Variants in EVI5 observed in about 807,000 individuals in gnomAD.
The protein encoded by EVI5 is ecotropic viral integration site 5.
In EVI5, 73 loss-of-function variants were observed where a neutral mutation model predicts 112.0. That is an observed-to-expected ratio of 0.65 (90% CI 0.54 to 0.79). The LOEUF is 0.79. Among genes scored for constraint, EVI5 ranks in the 30% least tolerant of loss-of-function variants. The pLI is 0.00. For synonymous variants in EVI5, 305 were observed against 319.9 expected (o/e 0.95, Z 0.50); for missense variants, 900 against 968.8 (o/e 0.93, Z 0.94).
rs201333917 is a variant in EVI5 at position 92,704,668 on chromosome 1, T to G, written c.226A>C (p.Ser76Arg). ...CTGAGGTTGCTAGAGGCTGATGAAC[T>G]CGACACAAGAGAAGAGCCACTGTTT... is the stretch of plus-strand genomic sequence containing the variant. ...RRNSGSSLVS[S>R]SSASSNLSHL... Residue 76 changes from serine to arginine, a missense_variant, in exon 3 of 20, where the codon AGT becomes CGT. Physicochemically the swap from Ser to Arg is moderately radical, Grantham distance 110. Transcript: ENST00000684568. 1.2e-6 allele frequency: 2 copies of G among 1,604,588 alleles called. No individual in the cohort carries two copies. Among genetic ancestry groups the G allele is most frequent in the Non-Finnish European group, 1.7e-6 (2 of 1,173,822 alleles).
chr1:92,590,828 G>T (rs756487146), intron 18 of EVI5, among the ~76,000 whole-genome samples: 1 of 152,170 alleles, frequency 6.6e-6, no homozygotes, highest in Admixed American at 6.5e-5. Context: ...CATCAAAGTT[G>T]AAATGAAGGA....
intron 1 of EVI5, among the ~76,000 whole-genome samples, chr1:92,748,896 TC>T (rs1679750435): frequency 6.6e-6 from 1 of 151,700 alleles, no homozygotes; most frequent in Non-Finnish European, 1.5e-5. Context: ...AGAAACCCCA[TC>T]TCTACTAAAA....
At chr1:92,788,367 G>A (rs184182817), upstream of EVI5, among the ~76,000 whole-genome samples, 26 of 151,994 alleles carry the variant, frequency 1.7e-4, 1 homozygote, top group African/African-American at 5.3e-4. Context: ...TCAGCTACTC[G>A]GGAGACTGAG....
intron 2 of EVI5, among the ~76,000 whole-genome samples, chr1:92,718,774 T>A (rs886165711): frequency 1.3e-5 from 2 of 151,658 alleles, no homozygotes; most frequent in African/African-American, 4.9e-5. Context: ...TTTGAAAAGA[T>A]CAACAAAATT....
chr1:92,567,169 A>G (rs1336290638), intron 18 of EVI5, among the ~76,000 whole-genome samples: 1 of 152,172 alleles, frequency 6.6e-6, no homozygotes, highest in East Asian at 1.9e-4. Context: ...CTTATAGAAT[A>G]AAGACACAGA....
chr1:92,707,502 G>A (rs958539766), intron 2 of EVI5, among the ~76,000 whole-genome samples: 9 of 152,034 alleles, frequency 5.9e-5, no homozygotes, highest in East Asian at 5.8e-4. Context: ...AGTAAGAGAC[G>A]TAAACTGATA....
At chr1:92,773,103 G>C (rs2103053941) in intron 1 of EVI5, among the ~76,000 whole-genome samples, 1 of 151,696 alleles carries the variant, frequency 6.6e-6, no homozygotes, top group African/African-American at 2.4e-5. Flanking sequence ...GCACTCGGGA[G>C]GCTGAGCCAG....
At chr1:92,592,108 T>C (rs535442254) in intron 18 of EVI5, among the ~76,000 whole-genome samples, 33 of 152,274 alleles carry the variant, frequency 2.2e-4, no homozygotes, top group Admixed American at 1.8e-3. Context: ...CCGGGCGTGG[T>C]AGCAGGTGCC....
intron 1 of EVI5, among the ~76,000 whole-genome samples, chr1:92,752,292 A>C (rs763828422): frequency 3.3e-5 from 5 of 151,982 alleles, no homozygotes; most frequent in African/African-American, 4.8e-5. Context: ...CTCCTGCCTC[A>C]GCCTCCTGAG....
chr1:92,704,169 C>T (rs946341839), intron 3 of EVI5, among the ~76,000 whole-genome samples: 4 of 151,832 alleles, frequency 2.6e-5, no homozygotes, highest in South Asian at 4.1e-4. Context: ...AAAAAATTAG[C>T]GAGGTGTGGT....
At chr1:92,611,482 A>G (rs1023437804) in intron 16 of EVI5, among the ~76,000 whole-genome samples, 3 of 151,580 alleles carry the variant, frequency 2.0e-5, no homozygotes, top group Non-Finnish European at 4.4e-5. Context: ...GCGGATCACA[A>G]GGTCAGGAGA....
chr1:92,659,455 T>G (rs924712053), intron 13 of EVI5, among the ~76,000 whole-genome samples: 2 of 152,056 alleles, frequency 1.3e-5, no homozygotes, highest in Non-Finnish European at 2.9e-5. Flanking sequence ...ACAGACTTTT[T>G]CAAAAGAAGA....
intron 1 of EVI5, among the ~76,000 whole-genome samples, chr1:92,779,821 G>A (rs927836474): frequency 6.6e-5 from 10 of 152,308 alleles, no homozygotes; most frequent in East Asian, 5.8e-4. Flanking sequence ...CAGAATCTAG[G>A]AGCCTAGGAG....
At position 92,664,484 on chromosome 1, in the gene EVI5, T is replaced by TAAA. The variant is rs766269905; in HGVS notation, c.1213-1033_1213-1032insTTT. 5.9e-3 allele frequency among the ~76,000 whole-genome samples: 101 copies of TAAA among 17,190 alleles called. No homozygotes were observed. In the Middle Eastern group the frequency reaches 0.21, roughly 36 times the overall value. 11.3% of individuals were successfully genotyped at this position (17,190 alleles called of 152,430 possible). On this transcript the variant is annotated intron_variant, in intron 11 of 19. Coordinates refer to ENST00000684568, the MANE Select transcript of EVI5 (RefSeq NM_001350197.2). ...AGTTTAAATGTCTTACTCCAAAGAT[T>TAAA]TAAAAAAAAAAAAAAACTAAGAAGA...
intron 10 of EVI5, among the ~76,000 whole-genome samples, chr1:92,675,885 G>A (rs1416082757): frequency 6.6e-6 from 1 of 151,528 alleles, no homozygotes; most frequent in Non-Finnish European, 1.5e-5. Flanking sequence ...GCACCTGGGA[G>A]GCGGAGCTTG....
chr1:92,558,027 C>T (rs887554079), intron 19 of EVI5, among the ~76,000 whole-genome samples: 9 of 152,272 alleles, frequency 5.9e-5, no homozygotes, highest in East Asian at 1.9e-4. Context: ...CATGGGCCTC[C>T]GTGCCTGGCC....
At chr1:92,625,986 A>G in intron 14 of EVI5, 52 bp from the exon 15 acceptor site, 1 of 1,109,010 alleles carries the variant, frequency 9.0e-7, no homozygotes, top group Non-Finnish European at 1.4e-6. Flanking sequence ...GGAATAAAAT[A>G]CAGCACACAC....
intron 1 of EVI5, among the ~76,000 whole-genome samples, chr1:92,747,353 A>G (rs1330319304): frequency 1.3e-5 from 2 of 152,168 alleles, no homozygotes; most frequent in Non-Finnish European, 2.9e-5. Flanking sequence ...ATGCAGCAAG[A>G]AAACTAATTG....
chr1:92,752,372 A>G lies in EVI5; in HGVS notation c.-81-15745T>C, dbSNP rs1043621401. Among the ~76,000 whole-genome samples the G allele has an allele frequency of 7.2e-5, 11 of 152,118 alleles. No individual in the cohort carries two copies. The East Asian group carries it at 2.0e-3, about 27-fold the overall frequency. On this transcript the variant is annotated intron_variant, in intron 1 of 19. Transcript: ENST00000684568. ...GTATTTTTAGTAGAGACAGGGTTTC[A>G]CCATGTTGGCCAGGCTGGTCTCGAA...
Sources: gnomAD v4.1 joint callset for allele counts (sites outside exome capture counted in the v4.1 genomes callset) on GRCh38, gnomAD v4.1.1 for gene constraint, MANE v1.5 for transcripts, NCBI Gene and HGNC (gene_info 2026-07-23, HGNC 2026-07-21) for gene names.